Variants in ERI3 observed in about 807,000 individuals in gnomAD.
ERI3 encodes the protein ERI1 exoribonuclease family member 3.
Under a neutral mutation model 44.4 loss-of-function variants are expected in ERI3, and 18 were observed. The ratio of observed to expected loss-of-function variants is 0.41; its 90% CI spans 0.28 to 0.60. The LOEUF (loss-of-function observed/expected upper bound fraction) is 0.60, where lower values mean the gene tolerates loss of function less well. ERI3 is among the 20% of genes least tolerant of loss of function. The pLI is 0.36. For synonymous variants in ERI3, 183 were observed against 164.8 expected, an observed-to-expected ratio of 1.11 and a Z score of -0.84; for missense variants, 294 against 435.5, an observed-to-expected ratio of 0.68 and a Z score of 2.89.
intron 3 of ERI3, chr1:44,322,969 G>C (rs1258916527): frequency 7.2e-7 from 1 of 1,391,590 alleles, no homozygotes; most frequent in Non-Finnish European, 9.4e-7. Flanking sequence ...GTGCCCAAGT[G>C]CCAGCCTCTA....
intron 7 of ERI3, among the ~76,000 whole-genome samples, chr1:44,277,654 T>A (rs1645205765): frequency 6.6e-6 from 1 of 152,208 alleles, no homozygotes; most frequent in East Asian, 1.9e-4. Flanking sequence ...CCACTCCTCT[T>A]CTTCTGAAAC....
rs991509259 is a variant in ERI3, at chr1:44,319,781, T to C, written c.490-37A>G. On this transcript the variant is annotated intron_variant, in intron 3 of 8. Coordinates refer to ENST00000372257, the MANE Select transcript of ERI3 (RefSeq NM_024066.3). The stretch of plus-strand genomic sequence containing the variant: ...AAGATACAGAAAAGGAAAAATAAGT[T>C]ATTGTAATCAACCATTTCCAACAGT... The C allele has an allele frequency of 2.1e-6, 3 of 1,442,554 alleles. No individual in the cohort carries two copies. In the Admixed American group the frequency reaches 5.0e-5, roughly 24 times the overall value. 89.4% of individuals were successfully genotyped at this position (1,442,554 alleles called of 1,614,324 possible).
intron 6 of ERI3, among the ~76,000 whole-genome samples, chr1:44,301,251 C>T (rs1417691062): frequency 6.6e-6 from 1 of 152,184 alleles, no homozygotes; most frequent in Non-Finnish European, 1.5e-5. Context: ...GCTCAGACTA[C>T]AACTCTAAGG....
At chr1:44,306,044 C>T (rs1645825616) in intron 6 of ERI3, among the ~76,000 whole-genome samples, 1 of 152,214 alleles carries the variant, frequency 6.6e-6, no homozygotes, top group Admixed American at 6.5e-5. Context: ...TGCGCTGTCA[C>T]GCAGCACTAC....
rs1304263170 is a variant in ERI3, at chr1:44,221,550, T to A, written c.*8A>T. ...TACCCTGTCCTGCCCCATCCTGTCCTCGGCCAATCAGAACGGCTTCGATGT... is the reference window on the plus strand; with the variant it reads ...TACCCTGTCCTGCCCCATCCTGTCCACGGCCAATCAGAACGGCTTCGATGT... On this transcript the variant is annotated 3_prime_UTR_variant, in exon 9 of 9. Transcript: ENST00000372257. This position sits in a 1 kb window ranked among gnomAD's most constrained non-coding sequence, Gnocchi z 5.9. 4 of 1,613,254 alleles carry A rather than the reference T, an allele frequency of 2.5e-6. No homozygotes were observed. In the East Asian group the frequency reaches 8.9e-5, roughly 36 times the overall value.
At chr1:44,299,711 A>G (rs1280676427) in intron 6 of ERI3, among the ~76,000 whole-genome samples, 1 of 152,108 alleles carries the variant, frequency 6.6e-6, no homozygotes, top group African/African-American at 2.4e-5. Context: ...TCAAAATACA[A>G]AAGAGTAGAG....
intron 7 of ERI3, chr1:44,283,986 C>T (rs1424546738): frequency 2.1e-6 from 1 of 470,210 alleles, no homozygotes; most frequent in African/African-American, 2.0e-5. Context: ...GAGCCACTAC[C>T]TTGACCCCCG....
intron 8 of ERI3, among the ~76,000 whole-genome samples, chr1:44,222,586 T>TCAC (rs758080471): frequency 1.4e-4 from 22 of 152,150 alleles, no homozygotes; most frequent in African/African-American, 4.6e-4. Context: ...AGGATTTGTT[T>TCAC]CACCACCACC....
At chr1:44,232,445 A>G (rs531543150) in intron 8 of ERI3, among the ~76,000 whole-genome samples, 1 of 152,234 alleles carries the variant, frequency 6.6e-6, no homozygotes, top group Non-Finnish European at 1.5e-5. Flanking sequence ...GAAGAAATAT[A>G]GCTTTACTAA....
intron 6 of ERI3, among the ~76,000 whole-genome samples, chr1:44,306,213 T>C (rs551296660): frequency 6.6e-6 from 1 of 152,352 alleles, no homozygotes; most frequent in African/African-American, 2.4e-5. Context: ...TGAAGCTTCA[T>C]CAGCCTTCCC....
chr1:44,308,281 G>T lies in ERI3; in HGVS notation c.758+29C>A, dbSNP rs146333790. ...CCTGGTCCCACAGATTCCAAGCCCT[G>T]CCAGCAAAGCAGCCCTTCTCATACT... On this transcript the variant is annotated intron_variant, in intron 6 of 8. Transcript: ENST00000372257. 7.2e-6 allele frequency: 11 copies of T among 1,529,916 alleles called. No individual in the cohort carries two copies. In the African/African-American group the frequency reaches 1.2e-4, roughly 17 times the overall value. 94.8% of individuals were successfully genotyped at this position (1,529,916 alleles called of 1,614,324 possible). A position where few individuals can be genotyped will look rare whatever the true frequency, so the allele number is the denominator to read the frequency against.
In ERI3 at chr1:44,221,832, G is replaced by C. The variant is rs541868460; in HGVS notation, c.932-192C>G. ...CTGGGTGATGCTGGGCCGGCAGGAAGCCTGGTCTCGATGCTTCTCAGTTCC... is the reference window on the plus strand; with the variant it reads ...CTGGGTGATGCTGGGCCGGCAGGAACCCTGGTCTCGATGCTTCTCAGTTCC... On this transcript the variant is annotated intron_variant, in intron 8 of 8. Coordinates refer to ENST00000372257, the MANE Select transcript of ERI3 (RefSeq NM_024066.3). This position sits in a 1 kb window ranked among gnomAD's most constrained non-coding sequence, Gnocchi z 5.9. Among the ~76,000 whole-genome samples, 12 of 152,306 alleles carry C rather than the reference G, an allele frequency of 7.9e-5. No individual in the cohort carries two copies. In the East Asian group the frequency reaches 2.1e-3, roughly 27 times the overall value.
chr1:44,280,280 G>A (rs982990986), intron 7 of ERI3, among the ~76,000 whole-genome samples: 3 of 152,158 alleles, frequency 2.0e-5, no homozygotes, highest in African/African-American at 7.2e-5. Context: ...TTTATTGCAT[G>A]ACTTTCTCTA....
At chr1:44,352,713 A>C (rs1463755256) in intron 2 of ERI3, 137 bp downstream of exon 2, 3 of 909,294 alleles carry the variant, frequency 3.3e-6, no homozygotes, top group Non-Finnish European at 5.0e-6. Context: ...GAAGCTACAA[A>C]AAAATATGAT....
chr1:44,243,073 TGA>T (rs1644476383), intron 8 of ERI3, among the ~76,000 whole-genome samples: 2 of 152,224 alleles, frequency 1.3e-5, no homozygotes, highest in East Asian at 3.9e-4. Flanking sequence ...ACTGGACTCT[TGA>T]TAGACACCCC....
chr1:44,317,633 T>A (rs1646118177), intron 4 of ERI3, among the ~76,000 whole-genome samples: 1 of 152,124 alleles, frequency 6.6e-6, no homozygotes, highest in African/African-American at 2.4e-5. Flanking sequence ...TATAGTCTAG[T>A]GAAAAGACAG....
chr1:44,321,854 C>G (rs1646210749), intron 3 of ERI3, among the ~76,000 whole-genome samples: 1 of 152,144 alleles, frequency 6.6e-6, no homozygotes, highest in Non-Finnish European at 1.5e-5. Context: ...TGTTTGGAGA[C>G]CTACAGTTTG....
intron 1 of ERI3, 32 bp downstream of exon 1, chr1:44,354,860 C>T: frequency 7.6e-7 from 1 of 1,314,816 alleles, no homozygotes; most frequent in Non-Finnish European, 9.8e-7. Context: ...AACCAGGGCC[C>T]AATCTTGGCG....
Position 44,241,416 on chromosome 1 carries a change from CACACACACTCAA to C in ERI3, c.931+6511_931+6522del, listed in dbSNP as rs1171506602. On this transcript the variant is annotated intron_variant, in intron 8 of 8. Transcript: ENST00000372257. This position sits in a 1 kb window ranked among gnomAD's most constrained non-coding sequence, Gnocchi z 5.6. ...GTGCTTGGTGGGCACCGCACGCCCTCACACACACTCAAACACATGCTCACACATGCACACACA... is the reference window on the plus strand; with the variant it reads ...GTGCTTGGTGGGCACCGCACGCCCTCACACATGCTCACACATGCACACACA... 6.6e-6 allele frequency among the ~76,000 whole-genome samples: 1 copy of C among 152,130 alleles called. No homozygotes were observed. The highest frequency in any genetic ancestry group is 1.9e-4 in the East Asian group (1 of 5,198).
Sources: gnomAD v4.1 joint callset for allele counts (sites outside exome capture counted in the v4.1 genomes callset) on GRCh38, gnomAD v4.1.1 for gene constraint, Gnocchi (gnomAD v3.1) non-coding constraint, MANE v1.5 for transcripts, NCBI Gene and HGNC (gene_info 2026-07-23, HGNC 2026-07-21) for gene names.